The following KIF26B variants were observed in gnomAD, a reference collection of about 807,000 sequenced individuals.
KIF26B encodes the protein kinesin family member 26B.
Under a neutral mutation model 151.2 loss-of-function variants are expected in KIF26B, and 63 were observed. The ratio of observed to expected loss-of-function variants is 0.42; its 90% CI spans 0.34 to 0.51. KIF26B has a LOEUF of 0.51. Ranked by LOEUF, KIF26B falls within the 20% of genes least tolerant of loss-of-function variation. The pLI is 0.07. For missense variants in KIF26B, 2,813 were observed against 2,913.6 expected (o/e 0.97, Z 0.79); for synonymous variants, 1,357 against 1,262.1 (o/e 1.08, Z -1.59).
intron 5 of KIF26B, among the ~76,000 whole-genome samples, chr1:245,541,853 C>T (rs984011178): frequency 6.6e-6 from 1 of 152,074 alleles, no homozygotes; most frequent in African/African-American, 2.4e-5. Context: ...CCTGGGTACC[C>T]AAACACGGTC....
chr1:245,353,097 T>G (rs1310290953), intron 2 of KIF26B, among the ~76,000 whole-genome samples: 1 of 152,250 alleles, frequency 6.6e-6, no homozygotes, highest in African/African-American at 2.4e-5. Flanking sequence ...CTGTTAAAGA[T>G]AGTCAGAAGG....
intron 2 of KIF26B, among the ~76,000 whole-genome samples, chr1:245,264,528 G>A (rs1670704900): frequency 1.3e-5 from 2 of 151,842 alleles, no homozygotes; most frequent in African/African-American, 2.4e-5. Context: ...AAAGAAAATG[G>A]AAACTTTTGG....
At chr1:245,559,564 C>A (rs2042917242) in intron 5 of KIF26B, among the ~76,000 whole-genome samples, 2 of 151,624 alleles carry the variant, frequency 1.3e-5, no homozygotes, top group Admixed American at 6.6e-5. Context: ...GGCGCACGCC[C>A]CCACACCTGC....
intron 2 of KIF26B, among the ~76,000 whole-genome samples, chr1:245,362,574 T>A (rs1672850312): frequency 6.6e-6 from 1 of 151,858 alleles, no homozygotes; most frequent in Admixed American, 6.6e-5. Context: ...AGAAGTAGCA[T>A]CCCCGAGCTG....
chr1:245,409,332 G>A (rs931156659), intron 3 of KIF26B, among the ~76,000 whole-genome samples: 29 of 152,188 alleles, frequency 1.9e-4, no homozygotes, highest in African/African-American at 7.0e-4. Context: ...GGTCCTTCCT[G>A]GAGCAGGCGG....
At chr1:245,320,628 A>G (rs1389894847) in intron 2 of KIF26B, among the ~76,000 whole-genome samples, 4 of 152,150 alleles carry the variant, frequency 2.6e-5, no homozygotes, top group Non-Finnish European at 5.9e-5. Flanking sequence ...CACTTAGTGC[A>G]GTGGCGGTCA....
At chr1:245,414,589 C>T (rs1258844881) in intron 3 of KIF26B, among the ~76,000 whole-genome samples, 1 of 152,180 alleles carries the variant, frequency 6.6e-6, no homozygotes, top group Admixed American at 6.5e-5. Context: ...CCCGGTGCTG[C>T]GGGGCTCACG....
rs1669796327 is a variant in KIF26B at position 245,222,560 on chromosome 1, A to G, written c.465+65877A>G. On this transcript the variant is annotated intron_variant, in intron 2 of 14. Transcript: ENST00000407071. ...AGGTGAATTTTTATCTAATCTCAAA[A>G]TAGAGCAGCCTTATTAAAATACGAC... 2.0e-5 allele frequency among the ~76,000 whole-genome samples: 3 copies of G among 152,204 alleles called. 1 individual carries two copies. The South Asian group carries it at 6.2e-4, about 32-fold the overall frequency.
chr1:245,679,683 G>A (rs2044406964), intron 10 of KIF26B, among the ~76,000 whole-genome samples: 1 of 151,944 alleles, frequency 6.6e-6, no homozygotes. Context: ...TGGCCAGGCT[G>A]GTCTCAAACT....
Position 245,227,870 on chromosome 1 carries a change from C to T in KIF26B, c.465+71187C>T, listed in dbSNP as rs1253511962. Among the ~76,000 whole-genome samples, 2 of 152,046 alleles carry T rather than the reference C, an allele frequency of 1.3e-5. No individual in the cohort carries two copies. The highest frequency in any genetic ancestry group is 3.9e-4 in the East Asian group (2 of 5,146). On this transcript the variant is annotated intron_variant, in intron 2 of 14. Transcript: ENST00000407071. This position sits in a 1 kb window ranked among gnomAD's most constrained non-coding sequence, Gnocchi z 4.1. ...ACAAAAAATTAGCCGGGCATGGTGG[C>T]GGGCACCTGTAATCCCAGCTACTTA...
chr1:245,532,985 A>C (rs1661408535), intron 4 of KIF26B, among the ~76,000 whole-genome samples: 1 of 152,192 alleles, frequency 6.6e-6, no homozygotes, highest in Non-Finnish European at 1.5e-5. Flanking sequence ...TTACATGTGG[A>C]TGAATATCTT....
At chr1:245,349,247 G>T (rs1672517060) in intron 2 of KIF26B, among the ~76,000 whole-genome samples, 1 of 152,150 alleles carries the variant, frequency 6.6e-6, no homozygotes, top group African/African-American at 2.4e-5. Context: ...TTCTTTGATT[G>T]TAAATAGATT....
At position 245,480,112 on chromosome 1, in the gene KIF26B, C is replaced by G. The variant is rs563522589; in HGVS notation, c.1166+60367C>G. Among the ~76,000 whole-genome samples the G allele has an allele frequency of 1.6e-3, 246 of 151,192 alleles. 1 individual carries two copies. Among genetic ancestry groups the G allele is most frequent in the African/African-American group, 5.7e-3 (237 of 41,302 alleles). On this transcript the variant is annotated intron_variant, in intron 4 of 14. Transcript: ENST00000407071. Reference sequence around the variant, plus strand: ...GACCCTGTCTCTCCAAACAAACAAACAAACAACAAACAAAAAACTAGCCTA... The same window carrying G: ...GACCCTGTCTCTCCAAACAAACAAAGAAACAACAAACAAAAAACTAGCCTA...
chr1:245,644,666 C>A (rs2043927708), intron 9 of KIF26B, among the ~76,000 whole-genome samples: 1 of 152,188 alleles, frequency 6.6e-6, no homozygotes, highest in Non-Finnish European at 1.5e-5. Flanking sequence ...GTATTCAACC[C>A]AATGCCCTGT....
At chr1:245,631,174 G>A (rs1237107663) in intron 9 of KIF26B, among the ~76,000 whole-genome samples, 3 of 152,124 alleles carry the variant, frequency 2.0e-5, no homozygotes, top group African/African-American at 7.2e-5. Context: ...GAATAACAGT[G>A]GTGGAAGTGG....
intron 2 of KIF26B, among the ~76,000 whole-genome samples, chr1:245,316,188 G>A (rs1398307056): frequency 6.6e-6 from 1 of 151,348 alleles, no homozygotes; most frequent in Non-Finnish European, 1.5e-5. Context: ...CCAGGATAGA[G>A]TGCAGTGGTG....
At chr1:245,453,709 T>A (rs1275969867) in intron 4 of KIF26B, among the ~76,000 whole-genome samples, 1 of 152,224 alleles carries the variant, frequency 6.6e-6, no homozygotes, top group African/African-American at 2.4e-5. Context: ...GCCTTGTCTG[T>A]TATCAGGATT....
chr1:245,283,224 C>T (rs569555315), intron 2 of KIF26B: 34 of 159,646 alleles, frequency 2.1e-4, no homozygotes, highest in African/African-American at 5.5e-4. Flanking sequence ...ACAAGTCCAC[C>T]GACAGCAAGC....
At chr1:245,267,781 G>A (rs1321664908) in intron 2 of KIF26B, among the ~76,000 whole-genome samples, 2 of 152,146 alleles carry the variant, frequency 1.3e-5, no homozygotes, top group East Asian at 1.9e-4. Context: ...TGAGGCTTAC[G>A]AGTGAGAATA....
Sources: gnomAD v4.1 joint callset for allele counts (sites outside exome capture counted in the v4.1 genomes callset) on GRCh38, gnomAD v4.1.1 for gene constraint, Gnocchi (gnomAD v3.1) non-coding constraint, MANE v1.5 for transcripts, NCBI Gene and HGNC (gene_info 2026-07-23, HGNC 2026-07-21) for gene names.